SUMF1: variants seen among roughly 807,000 people sequenced by gnomAD.
The protein encoded by SUMF1 is formylglycine-generating enzyme.
SUMF1 carries 48 observed loss-of-function variants against 47.6 expected under a neutral mutation model. The ratio of observed to expected loss-of-function variants is 1.01; its 90% CI spans 0.80 to 1.28. The LOEUF is 1.28. Among genes scored for constraint, SUMF1 ranks in the 50% most tolerant of loss-of-function variants. The pLI, the probability that SUMF1 is intolerant of heterozygous loss-of-function variation, is 0.00. For synonymous variants in SUMF1, 230 were observed against 192.1 expected (o/e 1.20, Z -1.63); for missense variants, 571 against 485.4 (o/e 1.18, Z -1.66).
Position 4,082,654 on chromosome 3 carries a change from T to A in SUMF1, c.1015-13909A>T, listed in dbSNP as rs1247013394. Among the ~76,000 whole-genome samples the A allele has an allele frequency of 4.6e-5, 7 of 152,236 alleles. 1 individual carries two copies. The highest frequency in any genetic ancestry group is 1.7e-4 in the African/African-American group (7 of 41,528). On this transcript the variant is annotated intron_variant and NMD_transcript_variant, in intron 8 of 12. Transcript: ENST00000448413. ...CCTATTGTAAACATTTTAAAATTAT[T>A]AATCTATTTAATAAACAACTCAATT... is the stretch of plus-strand genomic sequence containing the variant.
At chr3:4,291,479 AAAAT>A (rs1368476152) in intron 8 of SUMF1, among the ~76,000 whole-genome samples, 1 of 152,130 alleles carries the variant, frequency 6.6e-6, no homozygotes, top group African/African-American at 2.4e-5. Context: ...TTCATAATGC[AAAAT>A]AAATAATTTA....
At chr3:4,394,493 T>A (rs1221171223) in intron 7 of SUMF1, among the ~76,000 whole-genome samples, 11 of 152,104 alleles carry the variant, frequency 7.2e-5, no homozygotes, top group Admixed American at 7.2e-4. Flanking sequence ...AAGTACATAG[T>A]ATTTGGGGTT....
At chr3:4,435,445 A>T (rs576492874) in intron 3 of SUMF1, among the ~76,000 whole-genome samples, 1 of 152,310 alleles carries the variant, frequency 6.6e-6, no homozygotes, top group Admixed American at 6.5e-5. Context: ...TATGCACTGG[A>T]GTCCCAAAAA....
chr3:4,200,964 T>C (rs1033911189), intron 8 of SUMF1, among the ~76,000 whole-genome samples: 1 of 151,938 alleles, frequency 6.6e-6, no homozygotes, highest in African/African-American at 2.4e-5. Flanking sequence ...GAAAACTATA[T>C]AGCATAAACC....
intron 8 of SUMF1, among the ~76,000 whole-genome samples, chr3:4,111,192 G>C (rs1398734569): frequency 6.6e-6 from 1 of 151,846 alleles, no homozygotes; most frequent in Non-Finnish European, 1.5e-5. Context: ...AGTTGGCCTA[G>C]TGGAACTTGG....
At chr3:4,175,192 A>G (rs1694930762) in intron 8 of SUMF1, among the ~76,000 whole-genome samples, 1 of 152,158 alleles carries the variant, frequency 6.6e-6, no homozygotes, top group South Asian at 2.1e-4. Flanking sequence ...TTCTCCCAGC[A>G]TGGCGTTTGA....
chr3:4,172,175 C>A lies in SUMF1; in HGVS notation c.1015-103430G>T, dbSNP rs11919964. Among the ~76,000 whole-genome samples, 2 of 152,004 alleles carry A rather than the reference C, an allele frequency of 1.3e-5. 1 individual carries two copies. The highest frequency in any genetic ancestry group is 4.8e-5 in the African/African-American group (2 of 41,372). On this transcript the variant is annotated intron_variant and NMD_transcript_variant, in intron 8 of 12. Transcript: ENST00000448413. ...TTTGATTTCAAATATTTAGAAAATTCAATTAGCAATACATAGAAGTTGATT... is the reference window on the plus strand; with the variant it reads ...TTTGATTTCAAATATTTAGAAAATTAAATTAGCAATACATAGAAGTTGATT...
intron 8 of SUMF1, among the ~76,000 whole-genome samples, chr3:4,231,549 C>G (rs1696299924): frequency 6.6e-6 from 1 of 152,140 alleles, no homozygotes; most frequent in South Asian, 2.1e-4. Context: ...TTTTGAAGAG[C>G]AGGTCACAGA....
At chr3:4,316,116 AT>A (rs2125107665) in intron 8 of SUMF1, 2 of 557,698 alleles carry the variant, frequency 3.6e-6, no homozygotes. Flanking sequence ...ATTGGAATAC[AT>A]TCTTAAATGT....
At chr3:4,089,751 C>T (rs1692744884) in intron 8 of SUMF1, among the ~76,000 whole-genome samples, 1 of 152,118 alleles carries the variant, frequency 6.6e-6, no homozygotes, top group Admixed American at 6.6e-5. Flanking sequence ...TTCTGACTTC[C>T]CCAACCCAAA....
intron 8 of SUMF1, among the ~76,000 whole-genome samples, chr3:4,213,818 A>G (rs1324819946): frequency 6.6e-6 from 1 of 152,232 alleles, no homozygotes; most frequent in Non-Finnish European, 1.5e-5. Flanking sequence ...AAAGAAGGCC[A>G]TTACATAATG....
intron 1 of SUMF1, among the ~76,000 whole-genome samples, chr3:4,464,533 G>A (rs2079892912): frequency 6.6e-6 from 1 of 152,050 alleles, no homozygotes; most frequent in African/African-American, 2.4e-5. Flanking sequence ...CATAACAAGT[G>A]TTATATAGTA....
chr3:4,120,175 T>G (rs1259907017), intron 8 of SUMF1, among the ~76,000 whole-genome samples: 1 of 152,112 alleles, frequency 6.6e-6, no homozygotes, highest in Non-Finnish European at 1.5e-5. Flanking sequence ...GTATTATAAT[T>G]TATTTATGTC....
intron 1 of SUMF1, among the ~76,000 whole-genome samples, chr3:4,466,091 T>C (rs1322977487): frequency 6.6e-6 from 1 of 152,180 alleles, no homozygotes; most frequent in Non-Finnish European, 1.5e-5. Flanking sequence ...GGCAGACAGA[T>C]TGAAGTAACA....
chr3:4,386,863 G>GTT (rs370884434), intron 7 of SUMF1, among the ~76,000 whole-genome samples: 4 of 146,328 alleles, frequency 2.7e-5, no homozygotes, highest in Non-Finnish European at 4.5e-5. Flanking sequence ...TAATCATGTG[G>GTT]TTTTTTTTTT....
intron 1 of SUMF1, among the ~76,000 whole-genome samples, chr3:4,453,470 C>T (rs1275995678): frequency 2.0e-5 from 3 of 151,772 alleles, no homozygotes; most frequent in East Asian, 1.9e-4. Context: ...CAGACTCAAG[C>T]GATTCCCCCA....
At chr3:4,162,126 G>A (rs1451621588) in intron 8 of SUMF1, among the ~76,000 whole-genome samples, 1 of 151,938 alleles carries the variant, frequency 6.6e-6, no homozygotes, top group Non-Finnish European at 1.5e-5. Context: ...CCTGGAATGG[G>A]GGCCTCACAA....
At chr3:4,332,832 C>T (rs927826550) in intron 8 of SUMF1, among the ~76,000 whole-genome samples, 5 of 152,116 alleles carry the variant, frequency 3.3e-5, no homozygotes, top group African/African-American at 4.8e-5. Flanking sequence ...TTTTAGTACT[C>T]GAAAAGTTGC....
rs115258006 is a variant in SUMF1, at chr3:4,403,660, T to C, written c.954+7205A>G. Among the ~76,000 whole-genome samples the C allele has an allele frequency of 4.0e-3, 612 of 152,238 alleles. 7 individuals are homozygous for C. Among genetic ancestry groups the C allele is most frequent in the African/African-American group, 0.014 (587 of 41,526 alleles). On this transcript the variant is annotated intron_variant, in intron 7 of 8. Transcript: ENST00000272902. Reference sequence around the variant, plus strand: ...CAACAGCAGAATGAGGGCCACTGAGTTGACACTTCAAGGAGGATTTGAGTT... The same window carrying C: ...CAACAGCAGAATGAGGGCCACTGAGCTGACACTTCAAGGAGGATTTGAGTT...
Sources: allele counts gnomAD v4.1 joint callset (sites outside exome capture counted in the v4.1 genomes callset), GRCh38; gene constraint gnomAD v4.1.1; transcripts MANE v1.5; gene names NCBI Gene and HGNC (gene_info 2026-07-23, HGNC 2026-07-21).